The following PARN variants were observed in gnomAD, a reference collection of about 807,000 sequenced individuals.
PARN encodes the protein poly(A)-specific ribonuclease PARN.
A neutral mutation model predicts 102.8 loss-of-function variants in PARN; 71 were observed. The observed-to-expected ratio is 0.69, with a 90% confidence interval of 0.57 to 0.84. The LOEUF is 0.84. PARN is among the 40% of genes least tolerant of loss of function. The probability of loss-of-function intolerance (pLI) is 0.00; values close to 1 mark genes in which losing one functional copy is unlikely to be tolerated. For synonymous variants in PARN, 261 were observed against 252.9 expected (o/e 1.03, Z -0.30); for missense variants, 782 against 760.9 (o/e 1.03, Z -0.33).
chr16:14,512,379 T>C (rs118021165), intron 21 of PARN, among the ~76,000 whole-genome samples: 81 of 152,176 alleles, frequency 5.3e-4, no homozygotes, highest in East Asian at 9.7e-4. Flanking sequence ...GGTGCACGCC[T>C]GTAGTCCCGA....
intron 21 of PARN, among the ~76,000 whole-genome samples, chr16:14,515,424 A>C (rs895461416): frequency 2.0e-5 from 3 of 152,214 alleles, no homozygotes; most frequent in Admixed American, 1.3e-4. Flanking sequence ...TTTTATTGTC[A>C]ATTTAATGTT....
At chr16:14,531,552 G>A (rs1966330755) in intron 21 of PARN, among the ~76,000 whole-genome samples, 2 of 152,118 alleles carry the variant, frequency 1.3e-5, no homozygotes, top group Admixed American at 1.3e-4. Context: ...ATTCAATTTG[G>A]CCTCAGCCTC....
chr16:14,439,481 A>C (rs1314101818), intron 23 of PARN, among the ~76,000 whole-genome samples: 1 of 152,186 alleles, frequency 6.6e-6, no homozygotes, highest in Admixed American at 6.5e-5. Flanking sequence ...GCCTTTTGCT[A>C]CAGTGGACCT....
In PARN at chr16:14,626,712, C is replaced by T. The variant is rs567042598; in HGVS notation, c.327+394G>A. The stretch of plus-strand genomic sequence containing the variant: ...CTGCAACCTCCACCTCCCAGGTTCA[C>T]GCCATTCTCCTGCCTCAGCCTCCCT... On this transcript the variant is annotated intron_variant, in intron 5 of 23. Coordinates refer to ENST00000437198, the MANE Select transcript of PARN (RefSeq NM_002582.4). 3.3e-5 allele frequency among the ~76,000 whole-genome samples: 5 copies of T among 151,694 alleles called. No individual in the cohort carries two copies. The South Asian group carries it at 6.2e-4, about 19-fold the overall frequency.
intron 23 of PARN, among the ~76,000 whole-genome samples, chr16:14,444,814 A>G (rs534690551): frequency 7.1e-4 from 108 of 152,160 alleles, no homozygotes; most frequent in African/African-American, 2.5e-3. Flanking sequence ...AACTTCTCCA[A>G]TACTTTTTCT....
intron 23 of PARN, among the ~76,000 whole-genome samples, chr16:14,440,971 T>C (rs1189238096): frequency 1.3e-5 from 2 of 152,200 alleles, no homozygotes; most frequent in East Asian, 3.8e-4. Flanking sequence ...GCTCATCAAA[T>C]TGTATACCTG....
intron 22 of PARN, among the ~76,000 whole-genome samples, chr16:14,453,867 T>C (rs184486143): frequency 1.4e-4 from 22 of 152,350 alleles, no homozygotes; most frequent in African/African-American, 5.3e-4. Context: ...ATAATGCTGG[T>C]ATAAACATCT....
intron 13 of PARN, among the ~76,000 whole-genome samples, chr16:14,587,497 T>TA (rs1969932037): frequency 6.6e-6 from 1 of 152,212 alleles, no homozygotes; most frequent in Non-Finnish European, 1.5e-5. Context: ...CCAGTGCATG[T>TA]AAAAGCTCTA....
intron 11 of PARN, among the ~76,000 whole-genome samples, chr16:14,603,160 A>T (rs1421949623): frequency 1.3e-5 from 2 of 152,076 alleles, no homozygotes; most frequent in Non-Finnish European, 2.9e-5. Flanking sequence ...CTGAGCTCAA[A>T]GTGATCCTCC....
Position 14,483,804 on chromosome 16 carries a change from C to CAAAATTATA in PARN, c.1481-978_1481-977insTATAATTTT. On this transcript the variant is annotated intron_variant, in intron 21 of 23. Coordinates refer to ENST00000437198, the MANE Select transcript of PARN (RefSeq NM_002582.4). ...GGGCTTAATTTTGCCTTCTCTTGAG[C>CAAAATTATA]TACCTATAACTGGAATTACACTACA... 2.6e-5 allele frequency among the ~76,000 whole-genome samples: 4 copies of CAAAATTATA among 152,292 alleles called. No individual in the cohort carries two copies. In the South Asian group the frequency reaches 8.3e-4, roughly 32 times the overall value.
chr16:14,584,845 CTT>C, intron 14 of PARN, 54 bp from the exon 15 acceptor site: 1 of 973,112 alleles, frequency 1.0e-6, no homozygotes, highest in Non-Finnish European at 1.6e-6. Context: ...TTTAAAATGT[CTT>C]TTACTCAAAT....
At chr16:14,580,233 G>A (rs1287036885) in intron 18 of PARN, among the ~76,000 whole-genome samples, 2 of 151,784 alleles carry the variant, frequency 1.3e-5, no homozygotes, top group African/African-American at 4.8e-5. Flanking sequence ...GTCTCCCAAA[G>A]TTGGGGGATT....
chr16:14,602,293 C>A (rs1413242720), intron 11 of PARN, among the ~76,000 whole-genome samples: 1 of 152,000 alleles, frequency 6.6e-6, no homozygotes, highest in Non-Finnish European at 1.5e-5. Flanking sequence ...TCGACTTCTG[C>A]CTATCATTTA....
intron 18 of PARN, among the ~76,000 whole-genome samples, chr16:14,579,057 G>T (rs1969340541): frequency 6.6e-6 from 1 of 151,984 alleles, no homozygotes; most frequent in Non-Finnish European, 1.5e-5. Context: ...TGTGATCTTG[G>T]CTCACTGCAG....
chr16:14,543,240 C>T (rs117465191), intron 21 of PARN, among the ~76,000 whole-genome samples: 2,860 of 152,106 alleles, frequency 0.019, 40 homozygotes, highest in Non-Finnish European at 0.029. Context: ...TGAATAAAGG[C>T]AAAATAAAGA....
chr16:14,599,920 T>G lies in PARN; in HGVS notation c.824A>C (p.His275Pro). 6.2e-7 allele frequency: 1 copy of G among 1,604,058 alleles called. No individual in the cohort carries two copies. The highest frequency in any genetic ancestry group is 8.5e-7 in the Non-Finnish European group (1 of 1,173,794). Residue 275 changes from histidine to proline, a missense_variant, in exon 12 of 24, where the codon CAC becomes CCC. His to Pro is a moderately conservative substitution (Grantham distance 77). Coordinates refer to ENST00000437198, the MANE Select transcript of PARN (RefSeq NM_002582.4). ...CTCACTTACCGAATTAGCAATGGCGTGAATGACTCTAGAAAATCCCACAGC... is the reference window on the plus strand; with the variant it reads ...CTCACTTACCGAATTAGCAATGGCGGGAATGACTCTAGAAAATCCCACAGC... ...NDAVGFSRVI[H>P]AIANSGKLVI...
At chr16:14,619,196 T>C (rs1407737533) in intron 5 of PARN, among the ~76,000 whole-genome samples, 1 of 151,964 alleles carries the variant, frequency 6.6e-6, no homozygotes, top group African/African-American at 2.4e-5. Context: ...AAGTGAGACC[T>C]TGCCTCAAAA....
chr16:14,555,825 T>C lies in PARN; in HGVS notation c.1263-116A>G, dbSNP rs1234334569. On this transcript the variant is annotated intron_variant, in intron 18 of 23. Coordinates refer to ENST00000437198, the MANE Select transcript of PARN (RefSeq NM_002582.4). ...TTTAATAGGCATTTATTATATCTTTTGTAGAAGATCCTTGATATCACTCTA... is the reference window on the plus strand; with the variant it reads ...TTTAATAGGCATTTATTATATCTTTCGTAGAAGATCCTTGATATCACTCTA... 5.9e-6 allele frequency: 3 copies of C among 511,178 alleles called. No individual in the cohort carries two copies. In the East Asian group the frequency reaches 9.9e-5, roughly 17 times the overall value. The allele number at this position is 511,178 out of a possible 1,614,324, so 31.7% of individuals were successfully genotyped here.
intron 21 of PARN, among the ~76,000 whole-genome samples, chr16:14,528,107 AC>A (rs1966106957): frequency 6.6e-6 from 1 of 152,230 alleles, no homozygotes; most frequent in African/African-American, 2.4e-5. Context: ...CCATGCCCAA[AC>A]CAGCTGCTCA....
Sources: allele counts gnomAD v4.1 joint callset (sites outside exome capture counted in the v4.1 genomes callset), GRCh38; gene constraint gnomAD v4.1.1; transcripts MANE v1.5; gene names NCBI Gene and HGNC (gene_info 2026-07-23, HGNC 2026-07-21).